Variants in SLC22A23 observed in about 807,000 individuals in gnomAD.
The protein encoded by SLC22A23 is ion transporter protein.
In SLC22A23, 26 loss-of-function variants were observed where a neutral mutation model predicts 61.0. The observed-to-expected ratio is 0.43, with a 90% confidence interval of 0.31 to 0.59. The LOEUF (loss-of-function observed/expected upper bound fraction) is 0.59. SLC22A23 is among the 20% of genes least tolerant of loss of function. The pLI is 0.11. For missense variants in SLC22A23, 796 were observed against 934.7 expected (o/e 0.85, Z 1.94); for synonymous variants, 430 against 413.9 (o/e 1.04, Z -0.47).
At chr6:3,331,102 A>G (rs1031112589) in intron 3 of SLC22A23, among the ~76,000 whole-genome samples, 11 of 152,220 alleles carry the variant, frequency 7.2e-5, no homozygotes, top group Admixed American at 2.0e-4. Flanking sequence ...TGCTCATTTT[A>G]CATGAGAGGA....
chr6:3,413,059 G>C (rs562178918), intron 2 of SLC22A23, among the ~76,000 whole-genome samples: 1 of 152,276 alleles, frequency 6.6e-6, no homozygotes, highest in South Asian at 2.1e-4. Flanking sequence ...TGTAACAGCA[G>C]CCATAGAGAA....
intron 4 of SLC22A23, among the ~76,000 whole-genome samples, chr6:3,305,323 C>T (rs1761898720): frequency 6.6e-6 from 1 of 152,214 alleles, no homozygotes; most frequent in Admixed American, 6.5e-5. Context: ...CACAGCACAG[C>T]AGCAAACCCA....
Position 3,280,490 on chromosome 6 carries a change from CTTTTTTTTT to C in SLC22A23, c.1703+3353_1703+3361del, listed in dbSNP as rs1163139930. On this transcript the variant is annotated intron_variant, in intron 9 of 9. Coordinates refer to ENST00000406686, the MANE Select transcript of SLC22A23 (RefSeq NM_015482.2). Reference sequence around the variant, plus strand: ...CAGATGTGACATTTTTAAGACACAACTTTTTTTTTTTTTTTTTTTTTTTGAGATGGAGTC... The same window carrying C: ...CAGATGTGACATTTTTAAGACACAACTTTTTTTTTTTTTTGAGATGGAGTC... Among the ~76,000 whole-genome samples the C allele has an allele frequency of 3.8e-4, 22 of 57,292 alleles. No homozygotes were observed. The East Asian group carries it at 5.9e-3, about 15-fold the overall frequency. 37.6% of individuals were successfully genotyped at this position (57,292 alleles called of 152,430 possible).
intron 1 of SLC22A23, among the ~76,000 whole-genome samples, chr6:3,422,286 G>A (rs372522151): frequency 7.2e-5 from 11 of 152,144 alleles, no homozygotes; most frequent in African/African-American, 2.7e-4. Flanking sequence ...ATGGACGTGC[G>A]GTGCTCTGCA....
intron 1 of SLC22A23, among the ~76,000 whole-genome samples, chr6:3,424,591 T>C (rs889504027): frequency 6.6e-6 from 1 of 152,240 alleles, no homozygotes; most frequent in Admixed American, 6.5e-5. Flanking sequence ...AAGCATCCTG[T>C]ACTCATGATA....
At chr6:3,288,291 C>T (rs900246999) in intron 6 of SLC22A23, among the ~76,000 whole-genome samples, 11 of 152,212 alleles carry the variant, frequency 7.2e-5, no homozygotes, top group Non-Finnish European at 1.3e-4. Flanking sequence ...AACACCCTTT[C>T]GTGCTTCAGG....
At chr6:3,284,732 C>T (rs551950563) in intron 8 of SLC22A23, among the ~76,000 whole-genome samples, 1 of 152,340 alleles carries the variant, frequency 6.6e-6, no homozygotes, top group African/African-American at 2.4e-5. Flanking sequence ...CAGCCGGGCC[C>T]CAGCACTCCC....
In SLC22A23 at chr6:3,322,297, T is replaced by C. The variant is rs769640951; in HGVS notation, c.1082+1537A>G. On this transcript the variant is annotated intron_variant, in intron 4 of 9. Coordinates refer to ENST00000406686, the MANE Select transcript of SLC22A23 (RefSeq NM_015482.2). This position sits in a 1 kb window ranked among gnomAD's most constrained non-coding sequence, Gnocchi z 4.1. ...GCATTTGTGAGATAAATCAGCACCC[T>C]TGAACTCCGAAACAGCTAAGCCCAG... 3.9e-5 allele frequency among the ~76,000 whole-genome samples: 6 copies of C among 152,320 alleles called. No individual in the cohort carries two copies. Among genetic ancestry groups the C allele is most frequent in the African/African-American group, 1.4e-4 (6 of 41,570 alleles).
Position 3,309,797 on chromosome 6 carries a change from C to T in SLC22A23, c.1083-11579G>A, listed in dbSNP as rs1244207712. 7.9e-5 allele frequency among the ~76,000 whole-genome samples: 12 copies of T among 152,338 alleles called. No homozygotes were observed. The highest frequency in any genetic ancestry group is 1.3e-4 in the Non-Finnish European group (9 of 68,038). The stretch of plus-strand genomic sequence containing the variant: ...GGACAGGCAACATTACAAAACGGAA[C>T]TACAGTCAGAAGGGCATCTCCGGAT... On this transcript the variant is annotated intron_variant, in intron 4 of 9. Transcript: ENST00000406686. The surrounding 1 kb of genome is among the most constrained non-coding windows in gnomAD (Gnocchi z 4.7).
chr6:3,271,041 A>G lies in SLC22A23; in HGVS notation c.*2014T>C, dbSNP rs1017566775. On this transcript the variant is annotated 3_prime_UTR_variant, in exon 10 of 10. Coordinates refer to ENST00000406686, the MANE Select transcript of SLC22A23 (RefSeq NM_015482.2). ...TCCCCAACTGCCTACTGGCCTGGCT[A>G]CTGGATAGGTCCTATTCTGTACATA... The G allele has an allele frequency of 6.6e-6, 1 of 152,326 alleles. No individual in the cohort carries two copies. The highest frequency in any genetic ancestry group is 1.5e-5 in the Non-Finnish European group (1 of 68,078). 9.4% of individuals were successfully genotyped at this position (152,326 alleles called of 1,614,324 possible).
intron 1 of SLC22A23, among the ~76,000 whole-genome samples, chr6:3,432,905 C>T (rs772321024): frequency 6.6e-6 from 1 of 152,196 alleles, no homozygotes; most frequent in Non-Finnish European, 1.5e-5. Flanking sequence ...CCTCCGGAAC[C>T]TTGTGAAGGG....
rs1054258413 is a variant in SLC22A23, at chr6:3,270,583, G to A, written c.*2472C>T. Reference sequence around the variant, plus strand: ...GGCTGAGAGCCATTACCTGCCGACCGTCGGCAAGTCAGCCTCACACCCACT... The same window carrying A: ...GGCTGAGAGCCATTACCTGCCGACCATCGGCAAGTCAGCCTCACACCCACT... On this transcript the variant is annotated 3_prime_UTR_variant, in exon 10 of 10. Coordinates refer to ENST00000406686, the MANE Select transcript of SLC22A23 (RefSeq NM_015482.2). 5.3e-5 allele frequency: 8 copies of A among 151,500 alleles called. No individual in the cohort carries two copies. Among genetic ancestry groups the A allele is most frequent in the South Asian group, 2.1e-4 (1 of 4,754 alleles). The allele number at this position is 151,500 out of a possible 1,614,324, so 9.4% of individuals were successfully genotyped here.
chr6:3,455,965 C>A lies in SLC22A23; in HGVS notation c.595G>T (p.Asp199Tyr). Residue 199 changes from aspartate (D) to tyrosine (Y), a missense_variant, in exon 1 of 10, where the codon GAC becomes TAC. Transcript: ENST00000406686. ...PDKGDNASNC[D>Y]CRAWDYGIRA... is the part of the protein sequence containing the mutation. ...ATGCCGTAGTCCCATGCGCGGCAGTCACAGTTGGAGGCGTTGTCCCCCTTG... is the reference window on the plus strand; with the variant it reads ...ATGCCGTAGTCCCATGCGCGGCAGTAACAGTTGGAGGCGTTGTCCCCCTTG... 1 of 1,540,776 alleles carries A rather than the reference C, an allele frequency of 6.5e-7. No homozygotes were observed. Among genetic ancestry groups the A allele is most frequent in the South Asian group, 1.2e-5 (1 of 83,742 alleles).
At chr6:3,383,471 T>G (rs1053584865) in intron 3 of SLC22A23, among the ~76,000 whole-genome samples, 2 of 152,206 alleles carry the variant, frequency 1.3e-5, no homozygotes, top group Admixed American at 6.5e-5. Context: ...TATTTTTATA[T>G]CTACTCCGTG....
intron 3 of SLC22A23, among the ~76,000 whole-genome samples, chr6:3,398,781 G>T (rs1182117519): frequency 4.6e-5 from 7 of 151,998 alleles, no homozygotes; most frequent in Non-Finnish European, 1.0e-4. Flanking sequence ...TGTAATCCCA[G>T]CACTTTGGGA....
At chr6:3,396,486 T>C (rs1304935628) in intron 3 of SLC22A23, among the ~76,000 whole-genome samples, 1 of 152,032 alleles carries the variant, frequency 6.6e-6, no homozygotes, top group Non-Finnish European at 1.5e-5. Flanking sequence ...GAGGCAGAGG[T>C]TGCAGTGAGC....
chr6:3,428,696 C>T (rs1006368003), intron 1 of SLC22A23, among the ~76,000 whole-genome samples: 3 of 152,164 alleles, frequency 2.0e-5, no homozygotes, highest in Non-Finnish European at 4.4e-5. Context: ...ATAAAATTAA[C>T]GATCCAATAA....
At chr6:3,301,005 CAAAGTT>C (rs1462662329) in intron 4 of SLC22A23, among the ~76,000 whole-genome samples, 2 of 151,326 alleles carry the variant, frequency 1.3e-5, no homozygotes, top group Non-Finnish European at 3.0e-5. Flanking sequence ...TTTAAATACT[CAAAGTT>C]AATGTTTGTT....
At position 3,390,029 on chromosome 6, in the gene SLC22A23, A is replaced by G. The variant is rs888158188; in HGVS notation, c.913+20159T>C. Among the ~76,000 whole-genome samples, 3 of 152,234 alleles carry G rather than the reference A, an allele frequency of 2.0e-5. No homozygotes were observed. Among genetic ancestry groups the G allele is most frequent in the Admixed American group, 6.5e-5 (1 of 15,282 alleles). ...GTGACATCATCACTTTGCATTTCAA[A>G]AAAAGGCCTGGTTTGGGATGAAATG... On this transcript the variant is annotated intron_variant, in intron 3 of 9. Transcript: ENST00000406686. This position sits in a 1 kb window ranked among gnomAD's most constrained non-coding sequence, Gnocchi z 4.0.
Sources: gnomAD v4.1 joint callset for allele counts (sites outside exome capture counted in the v4.1 genomes callset) on GRCh38, gnomAD v4.1.1 for gene constraint, Gnocchi (gnomAD v3.1) non-coding constraint, MANE v1.5 for transcripts, NCBI Gene and HGNC (gene_info 2026-07-23, HGNC 2026-07-21) for gene names.